DENND2D: variants seen among roughly 807,000 people sequenced by gnomAD.
The protein encoded by DENND2D is DENN domain-containing protein 2D.
In DENND2D, 37 loss-of-function variants were observed where a neutral mutation model predicts 59.8. The ratio of observed to expected loss-of-function variants is 0.62; its 90% confidence interval spans 0.48 to 0.81. The LOEUF is 0.81. DENND2D is among the 40% of genes least tolerant of loss of function. The probability of loss-of-function intolerance (pLI) is 0.00; values close to 1 mark genes in which losing one functional copy is unlikely to be tolerated. For synonymous variants in DENND2D, 219 were observed against 211.3 expected (o/e 1.04, Z -0.31); for missense variants, 525 against 579.7 (o/e 0.91, Z 0.97).
Position 111,200,581 on chromosome 1 carries a change from G to T in DENND2D, c.-122C>A. On this transcript the variant is annotated 5_prime_UTR_variant, in exon 1 of 12. Coordinates refer to ENST00000357640, the MANE Select transcript of DENND2D (RefSeq NM_024901.5). ...ACAACTCTGTGAAGCCAAGCCACGC[G>T]CTGTCTTCCAGAGAGGGAATAGAAG... 2 of 1,502,586 alleles carry T rather than the reference G, an allele frequency of 1.3e-6. No homozygotes were observed. The highest frequency in any genetic ancestry group is 8.9e-7 in the Non-Finnish European group (1 of 1,118,922). The allele number at this position is 1,502,586 out of a possible 1,614,324, so 93.1% of individuals were successfully genotyped here. A position where few individuals can be genotyped will look rare whatever the true frequency, so the allele number is the denominator to read the frequency against.
rs972441980 is a variant in DENND2D at position 111,195,934 on chromosome 1, G to A, written c.627C>T (p.Ile209=). ...PGKTVTLKSF[I]PDSGTEFISL... ...AACCCACCTCAGTGCCTGAGTCGGG[G>A]ATGAAGCTCTTGAGAGTGACAGTCT... The change falls in exon 6 of 12, where the codon ATC becomes ATT. Residue 209 remains isoleucine (I), a synonymous_variant. Coordinates refer to ENST00000357640, the MANE Select transcript of DENND2D (RefSeq NM_024901.5). 6.2e-7 allele frequency: 1 copy of A among 1,614,096 alleles called. No homozygotes were observed. Among genetic ancestry groups the A allele is most frequent in the South Asian group, 1.1e-5 (1 of 91,074 alleles).
chr1:111,200,761 T>G (rs1294776364), upstream of DENND2D: 1 of 1,199,980 alleles, frequency 8.3e-7, no homozygotes, highest in Non-Finnish European at 1.1e-6. Context: ...GAAAAGGTCA[T>G]GAGCAAACAC....
rs768226257 is a variant in DENND2D at position 111,199,623 on chromosome 1, C to T, written c.243G>A (p.Lys81=). The T allele has an allele frequency of 1.2e-6, 2 of 1,612,702 alleles. No individual in the cohort carries two copies. The highest frequency in any genetic ancestry group is 1.7e-6 in the Non-Finnish European group (2 of 1,179,158). The change falls in exon 2 of 12, where the codon AAG becomes AAA. Residue 81 remains lysine, a splice_region_variant and synonymous_variant. Transcript: ENST00000357640. ...GCCCTGCCCCTCCTTCAGTCCTTACCTTGGGAAATTGGTAGGTGATTATAG... is the reference window on the plus strand; with the variant it reads ...GCCCTGCCCCTCCTTCAGTCCTTACTTTGGGAAATTGGTAGGTGATTATAG... The part of the protein sequence containing the change: ...YEPIITYQFP[K]RENLLRGQQE...
At chr1:111,192,995 CTT>C in intron 7 of DENND2D, among the ~76,000 whole-genome samples, 1 of 152,354 alleles carries the variant, frequency 6.6e-6, no homozygotes, top group South Asian at 2.1e-4. Flanking sequence ...CTCCTCAAGA[CTT>C]TCCAGTGAAG....
intron 4 of DENND2D, chr1:111,197,530 A>C: frequency 1.2e-5 from 17 of 1,388,102 alleles, no homozygotes; most frequent in Non-Finnish European, 1.6e-5. Flanking sequence ...GAAATGGCTA[A>C]GGAGGAAAGC....
rs749020724 is a variant in DENND2D, at chr1:111,195,910, A to G, written c.645+6T>C. ...AGGGAAGGTCTCACCCATTTTGCTA[A>G]CCCACCTCAGTGCCTGAGTCGGGGA... On this transcript the variant is annotated splice_donor_region_variant and intron_variant, in intron 6 of 11. Transcript: ENST00000357640. 2 of 1,613,826 alleles carry G rather than the reference A, an allele frequency of 1.2e-6. No homozygotes were observed. The highest frequency in any genetic ancestry group is 2.2e-5 in the South Asian group (2 of 91,052).
upstream of DENND2D, chr1:111,201,219 G>C (rs1335168942): frequency 6.6e-6 from 1 of 152,232 alleles, no homozygotes; most frequent in Admixed American, 6.5e-5. Context: ...GTGCAGTAGA[G>C]AGCAAAATCC....
chr1:111,204,106 C>G (rs1257728664), upstream of DENND2D: 1 of 466,854 alleles, frequency 2.1e-6, no homozygotes, highest in South Asian at 4.4e-5. Context: ...CCGCCCCCAC[C>G]TGACCCTCTT....
chr1:111,189,987 A>ACC (rs1395409839), intron 8 of DENND2D, among the ~76,000 whole-genome samples: 2 of 151,874 alleles, frequency 1.3e-5, no homozygotes, highest in Non-Finnish European at 2.9e-5. Context: ...ACACGGTGAA[A>ACC]CCCTGTCTCT....
upstream of DENND2D, among the ~76,000 whole-genome samples, chr1:111,203,416 A>G (rs1658998825): frequency 6.6e-6 from 1 of 152,254 alleles, no homozygotes; most frequent in Admixed American, 6.5e-5. Flanking sequence ...CTCCTCAGAC[A>G]GTAGGACCTC....
At chr1:111,204,319 A>G (rs1659104799), upstream of DENND2D, 1 of 1,481,902 alleles carries the variant, frequency 6.7e-7, no homozygotes, top group Admixed American at 2.3e-5. Flanking sequence ...CTTCAGTCTC[A>G]GGCTGGCTCG....
chr1:111,195,606 G>A (rs552517440), intron 6 of DENND2D: 52 of 311,852 alleles, frequency 1.7e-4, no homozygotes, highest in Non-Finnish European at 2.9e-4. Flanking sequence ...GGGGGGTAGC[G>A]GCAAGTGGCA....
upstream of DENND2D, chr1:111,204,391 G>A: frequency 7.4e-7 from 1 of 1,358,304 alleles, no homozygotes; most frequent in Non-Finnish European, 9.4e-7. Flanking sequence ...CCAGCTCCGC[G>A]CTGGCCCCGC....
chr1:111,196,098 A>G (rs754102153), intron 5 of DENND2D, 42 bp from the exon 6 acceptor site: 3 of 1,558,782 alleles, frequency 1.9e-6, no homozygotes, highest in South Asian at 1.2e-5. Flanking sequence ...TCAAAGGGAC[A>G]CTACCAGGCA....
intron 3 of DENND2D, among the ~76,000 whole-genome samples, 169 bp downstream of exon 3, chr1:111,198,461 T>C (rs1042349869): frequency 3.3e-5 from 5 of 152,176 alleles, no homozygotes; most frequent in African/African-American, 1.2e-4. Flanking sequence ...TGATAGCTCA[T>C]ATTCTTGGCC....
rs1657299501 is a variant in DENND2D at position 111,187,170 on chromosome 1, CAT to C, written c.*433_*434del. 6.3e-6 allele frequency: 1 copy of C among 158,414 alleles called. No individual in the cohort carries two copies. The highest frequency in any genetic ancestry group is 6.2e-5 in the Admixed American group (1 of 16,110). The allele number at this position is 158,414 out of a possible 1,614,324, so 9.8% of individuals were successfully genotyped here. On this transcript the variant is annotated 3_prime_UTR_variant, in exon 12 of 12. Coordinates refer to ENST00000357640, the MANE Select transcript of DENND2D (RefSeq NM_024901.5). The stretch of plus-strand genomic sequence containing the variant: ...TTACCCATAGTAAAAGCCAAAGACA[CAT>C]ATAAAAATAAGATTTTCCTCTTTAC...
Position 111,196,076 on chromosome 1 carries a change from G to A in DENND2D, c.505-20C>T, listed in dbSNP as rs780941523. ...CAGGATCTGCAGGGAAAAGAACCACGGGAGGCACGGCTCAAAGGGACACTA... is the reference window on the plus strand; with the variant it reads ...CAGGATCTGCAGGGAAAAGAACCACAGGAGGCACGGCTCAAAGGGACACTA... On this transcript the variant is annotated intron_variant, in intron 5 of 11. Coordinates refer to ENST00000357640, the MANE Select transcript of DENND2D (RefSeq NM_024901.5). 9.4e-6 allele frequency: 15 copies of A among 1,591,500 alleles called. No homozygotes were observed. Among genetic ancestry groups the A allele is most frequent in the East Asian group, 6.7e-5 (3 of 44,700 alleles).
At chr1:111,204,265 T>C, upstream of DENND2D, 7 of 1,452,416 alleles carry the variant, frequency 4.8e-6, no homozygotes, top group Non-Finnish European at 5.4e-6. Flanking sequence ...GCCCACGCCG[T>C]CCCCCCGCGC....
chr1:111,194,127 A>T (rs180812328), intron 7 of DENND2D, among the ~76,000 whole-genome samples: 21 of 152,328 alleles, frequency 1.4e-4, no homozygotes, highest in African/African-American at 4.8e-4. Context: ...CCAGTATGTA[A>T]TTCCGCATCC....
Sources: gnomAD v4.1 joint callset for allele counts (sites outside exome capture counted in the v4.1 genomes callset) on GRCh38, gnomAD v4.1.1 for gene constraint, MANE v1.5 for transcripts, NCBI Gene and HGNC (gene_info 2026-07-23, HGNC 2026-07-21) for gene names.